Variants in EXOC4 observed in about 807,000 individuals in gnomAD.
EXOC4 encodes SEC8-like 1.
In EXOC4, 71 loss-of-function variants were observed where a neutral mutation model predicts 107.2. The observed-to-expected ratio is 0.66, with a 90% CI of 0.55 to 0.81. The LOEUF (loss-of-function observed/expected upper bound fraction) is 0.81. EXOC4 is among the 30% of genes least tolerant of loss of function. The probability of loss-of-function intolerance (pLI) is 0.00; values close to 1 mark genes in which losing one functional copy is unlikely to be tolerated. For synonymous variants in EXOC4, 456 were observed against 441.2 expected (o/e 1.03, Z -0.42); for missense variants, 1,108 against 1,189.6 (o/e 0.93, Z 1.01).
intron 9 of EXOC4, among the ~76,000 whole-genome samples, chr7:133,509,368 C>T (rs1799724474): frequency 6.6e-6 from 1 of 151,594 alleles, no homozygotes; most frequent in Admixed American, 6.6e-5. Context: ...GTGGAGCTTG[C>T]AGTGAGCCGA....
At chr7:133,452,254 C>T (rs981357455) in intron 7 of EXOC4, among the ~76,000 whole-genome samples, 4 of 152,042 alleles carry the variant, frequency 2.6e-5, no homozygotes, top group African/African-American at 9.7e-5. Flanking sequence ...GTAAATATCT[C>T]ATTTTCTGGA....
chr7:133,498,091 C>T (rs574595365), intron 9 of EXOC4, among the ~76,000 whole-genome samples: 2 of 152,206 alleles, frequency 1.3e-5, no homozygotes, highest in African/African-American at 4.8e-5. Flanking sequence ...TGAACATGCC[C>T]AAATCAGACT....
chr7:133,611,282 C>T (rs1802071428), intron 9 of EXOC4, among the ~76,000 whole-genome samples: 1 of 152,000 alleles, frequency 6.6e-6, no homozygotes, highest in African/African-American at 2.4e-5. Flanking sequence ...AGGTATAGAC[C>T]TTGTGTGCTG....
Position 133,817,305 on chromosome 7 carries a change from T to C in EXOC4, c.1515-20T>C, listed in dbSNP as rs1487401564. ...ATTTTCCTCATAAATTTAATAACCT[T>C]CTTACTGTTTGTCCTCCAGATTTAT... On this transcript the variant is annotated intron_variant, in intron 10 of 17. Transcript: ENST00000253861. 1.9e-6 allele frequency: 3 copies of C among 1,559,320 alleles called. No homozygotes were observed. The highest frequency in any genetic ancestry group is 2.7e-6 in the Non-Finnish European group (3 of 1,131,890).
At chr7:133,851,081 G>A (rs1174096357) in intron 11 of EXOC4, among the ~76,000 whole-genome samples, 1 of 152,146 alleles carries the variant, frequency 6.6e-6, no homozygotes, top group Non-Finnish European at 1.5e-5. Flanking sequence ...GCTGTGATCT[G>A]TCAAGCACAC....
At chr7:133,930,339 T>C (rs1800149371) in intron 13 of EXOC4, 1 of 152,182 alleles carries the variant, frequency 6.6e-6, no homozygotes. Context: ...TGAAGCAAAG[T>C]TAGTGGCCAA....
At chr7:133,716,572 T>C (rs1302518055) in intron 10 of EXOC4, among the ~76,000 whole-genome samples, 1 of 152,132 alleles carries the variant, frequency 6.6e-6, no homozygotes, top group Non-Finnish European at 1.5e-5. Flanking sequence ...CATATAGAAA[T>C]GGAAATGCCC....
intron 7 of EXOC4, among the ~76,000 whole-genome samples, chr7:133,470,066 A>G (rs982048622): frequency 6.6e-6 from 1 of 152,204 alleles, no homozygotes; most frequent in African/African-American, 2.4e-5. Context: ...TGGTTGGGGA[A>G]TAGTTCTTAG....
At chr7:133,998,977 C>G (rs1285119055) in intron 15 of EXOC4, among the ~76,000 whole-genome samples, 1 of 151,900 alleles carries the variant, frequency 6.6e-6, no homozygotes, top group Admixed American at 6.6e-5. Flanking sequence ...AGGAAAACCA[C>G]TAGTTTGGGG....
chr7:133,473,249 TG>T (rs1015801899), intron 7 of EXOC4, among the ~76,000 whole-genome samples: 6 of 152,188 alleles, frequency 3.9e-5, no homozygotes, highest in African/African-American at 1.4e-4. Context: ...TTGGGTAGTT[TG>T]GGTGATGTAT....
At chr7:133,599,639 G>C (rs1349198455) in intron 9 of EXOC4, among the ~76,000 whole-genome samples, 1 of 152,114 alleles carries the variant, frequency 6.6e-6, no homozygotes, top group African/African-American at 2.4e-5. Flanking sequence ...ACCTTTTCTG[G>C]ACATTCGTCA....
chr7:133,305,805 G>A (rs1281028802), intron 3 of EXOC4, 72 bp from the exon 4 acceptor site: 16 of 1,308,616 alleles, frequency 1.2e-5, no homozygotes, highest in African/African-American at 6.0e-5. Flanking sequence ...TTTTTAAGAC[G>A]TCTTTCTTAT....
At chr7:133,406,729 A>G (rs1797229649) in intron 7 of EXOC4, among the ~76,000 whole-genome samples, 1 of 152,228 alleles carries the variant, frequency 6.6e-6, no homozygotes, top group African/African-American at 2.4e-5. Flanking sequence ...CTGCTTCTGC[A>G]GAAAGTTTTC....
chr7:133,754,504 C>T (rs1379198453), intron 10 of EXOC4, among the ~76,000 whole-genome samples: 1 of 152,052 alleles, frequency 6.6e-6, no homozygotes, highest in Non-Finnish European at 1.5e-5. Flanking sequence ...AAGAAGAGAA[C>T]TGGGTGACAC....
intron 9 of EXOC4, among the ~76,000 whole-genome samples, chr7:133,587,123 C>T (rs1266365329): frequency 6.6e-6 from 1 of 152,164 alleles, no homozygotes; most frequent in Non-Finnish European, 1.5e-5. Flanking sequence ...AGTGAGCCAC[C>T]ATGCCTGGCC....
chr7:133,766,658 C>G (rs1280903413), intron 10 of EXOC4, among the ~76,000 whole-genome samples: 2 of 151,950 alleles, frequency 1.3e-5, no homozygotes, highest in East Asian at 3.9e-4. Context: ...AAAACCTTGC[C>G]TGCCCTTCCA....
chr7:133,784,422 A>G (rs949012979), intron 10 of EXOC4, among the ~76,000 whole-genome samples: 3 of 151,978 alleles, frequency 2.0e-5, no homozygotes, highest in African/African-American at 7.2e-5. Context: ...TTCTATCTCC[A>G]TTTAGCTAGG....
chr7:133,508,144 C>T (rs1203774709), intron 9 of EXOC4, among the ~76,000 whole-genome samples: 1 of 152,036 alleles, frequency 6.6e-6, no homozygotes, highest in Non-Finnish European at 1.5e-5. Context: ...AGGTACCTAA[C>T]TGAATAATAC....
At chr7:133,862,773 A>T (rs1360627325) in intron 11 of EXOC4, among the ~76,000 whole-genome samples, 1 of 152,168 alleles carries the variant, frequency 6.6e-6, no homozygotes, top group African/African-American at 2.4e-5. Context: ...GGTAGTTATT[A>T]TGTAGGGAAA....
Sources: gnomAD v4.1 joint callset for allele counts (sites outside exome capture counted in the v4.1 genomes callset) on GRCh38, gnomAD v4.1.1 for gene constraint, MANE v1.5 for transcripts, NCBI Gene and HGNC (gene_info 2026-07-23, HGNC 2026-07-21) for gene names.